Variants in SPATA24 observed in about 807,000 individuals in gnomAD.
SPATA24 encodes spermatogenesis-associated protein 24.
In SPATA24, 21 loss-of-function variants were observed where a neutral mutation model predicts 28.9. That is an observed-to-expected ratio of 0.73 (90% confidence interval 0.52 to 1.05). The LOEUF (loss-of-function observed/expected upper bound fraction) is 1.05, where lower values mean the gene tolerates loss of function less well. Among genes scored for constraint, SPATA24 ranks in the 50% least tolerant of loss-of-function variants. The probability of loss-of-function intolerance (pLI) is 0.00; values close to 1 mark genes in which losing one functional copy is unlikely to be tolerated. For missense variants in SPATA24, 215 were observed against 242.9 expected, an observed-to-expected ratio of 0.88 and a Z score of 0.76; for synonymous variants, 76 against 89.9, an observed-to-expected ratio of 0.85 and a Z score of 0.88.
intron 1 of SPATA24, 25 bp downstream of exon 1, chr5:139,403,919 T>C: frequency 6.5e-7 from 1 of 1,541,192 alleles, no homozygotes; most frequent in Non-Finnish European, 8.8e-7. Context: ...GCCCCGCCTC[T>C]CCCCAAACTC....
chr5:139,397,266 A>C (rs1758731407), intron 4 of SPATA24, 123 bp from the exon 5 acceptor site: 4 of 673,450 alleles, frequency 5.9e-6, no homozygotes, highest in Middle Eastern at 3.7e-4. Flanking sequence ...TCCATGAAGA[A>C]CTGCTAATAC....
downstream of SPATA24, chr5:139,393,186 C>A: frequency 6.5e-7 from 1 of 1,549,642 alleles, no homozygotes; most frequent in African/African-American, 1.4e-5. Context: ...CGTACGTGGT[C>A]TTCACCAACT....
At chr5:139,402,519 A>G in intron 2 of SPATA24, 109 bp downstream of exon 2, 1 of 999,668 alleles carries the variant, frequency 1.0e-6, no homozygotes, top group Admixed American at 2.3e-5. Flanking sequence ...CTGGGACTAC[A>G]GTTGTGAGCC....
intron 4 of SPATA24, among the ~76,000 whole-genome samples, chr5:139,399,015 T>C (rs11242463): frequency 1 from 96,369 of 96,428 alleles, 48,165 homozygotes; most frequent in Middle Eastern, 1. Context: ...CAGAGCGAGA[T>C]TCCGCTTCAA....
At chr5:139,403,731 G>A (rs1247749634) in intron 1 of SPATA24, among the ~76,000 whole-genome samples, 1 of 152,220 alleles carries the variant, frequency 6.6e-6, no homozygotes, top group Non-Finnish European at 1.5e-5. Flanking sequence ...CAAACGGAAG[G>A]GAGAATATGG....
At chr5:139,396,177 G>A (rs113403539), downstream of SPATA24, 5 of 985,382 alleles carry the variant, frequency 5.1e-6, no homozygotes, top group African/African-American at 1.7e-5. Context: ...CCCTGAAGTG[G>A]GTCCTCTGCC....
chr5:139,402,696 G>C lies in SPATA24; in HGVS notation c.118-3C>G. ...AAATTTTCGTCCTGGAGAACCATCTGCAACAGAGCCTGGCTGAGGGAGGGC... is the reference window on the plus strand; with the variant it reads ...AAATTTTCGTCCTGGAGAACCATCTCCAACAGAGCCTGGCTGAGGGAGGGC... On this transcript the variant is annotated splice_polypyrimidine_tract_variant and splice_region_variant and intron_variant, in intron 1 of 5. Transcript: ENST00000450845. The C allele has an allele frequency of 6.4e-6, 10 of 1,551,754 alleles. No homozygotes were observed. Among genetic ancestry groups the C allele is most frequent in the Non-Finnish European group, 8.7e-6 (10 of 1,146,912 alleles).
downstream of SPATA24, chr5:139,393,143 C>T (rs987122107): frequency 5.2e-5 from 80 of 1,543,196 alleles, no homozygotes; most frequent in Non-Finnish European, 6.5e-5. Flanking sequence ...GCAGGCAGCC[C>T]AGAGCCTTGT....
intron 4 of SPATA24, among the ~76,000 whole-genome samples, chr5:139,400,149 G>C (rs937967255): frequency 6.6e-6 from 1 of 152,116 alleles, no homozygotes; most frequent in East Asian, 1.9e-4. Context: ...CACTAGGGGA[G>C]AGAGAAGGCT....
At chr5:139,394,402 C>A (rs1279887973), downstream of SPATA24, 5 of 1,388,980 alleles carry the variant, frequency 3.6e-6, no homozygotes, top group Non-Finnish European at 4.6e-6. Flanking sequence ...CAGCCGGGGG[C>A]GCGGCGCGCC....
At chr5:139,395,289 T>G, downstream of SPATA24, 1 of 432,972 alleles carries the variant, frequency 2.3e-6, no homozygotes, top group Non-Finnish European at 3.9e-6. Context: ...AACCCCCTTC[T>G]CAGGCACAAG....
At chr5:139,403,673 G>C (rs765184957) in intron 1 of SPATA24, among the ~76,000 whole-genome samples, 6 of 152,222 alleles carry the variant, frequency 3.9e-5, no homozygotes, top group African/African-American at 9.6e-5. Context: ...ACTGAAAATG[G>C]GGAAACTGAG....
chr5:139,399,343 A>G (rs1388195821), intron 4 of SPATA24, among the ~76,000 whole-genome samples: 1 of 151,972 alleles, frequency 6.6e-6, no homozygotes, highest in Non-Finnish European at 1.5e-5. Flanking sequence ...AGGTTGGACA[A>G]GAATTAACTA....
At chr5:139,398,305 A>G (rs959682304) in intron 4 of SPATA24, among the ~76,000 whole-genome samples, 3 of 151,940 alleles carry the variant, frequency 2.0e-5, no homozygotes, top group African/African-American at 4.8e-5. Flanking sequence ...TTAATCGTAC[A>G]TTTGAGGCAA....
At chr5:139,393,806 T>C, downstream of SPATA24, 1 of 1,551,156 alleles carries the variant, frequency 6.4e-7, no homozygotes, top group Middle Eastern at 1.7e-4. Context: ...AATGGGCTAC[T>C]CACCCTCCGA....
chr5:139,400,579 A>G (rs1201671574), intron 4 of SPATA24, among the ~76,000 whole-genome samples: 1 of 151,830 alleles, frequency 6.6e-6, no homozygotes, highest in African/African-American at 2.4e-5. Context: ...AAGTGTTGGG[A>G]TTACAGGCAT....
chr5:139,392,786 G>T (rs763196143), downstream of SPATA24: 2 of 1,452,640 alleles, frequency 1.4e-6, no homozygotes, highest in South Asian at 1.4e-5. This position sits in a 1 kb window ranked among gnomAD's most constrained non-coding sequence, Gnocchi z 5.8. Flanking sequence ...ACCAGGCGCT[G>T]GGCCTCTACA....
chr5:139,398,627 A>G (rs1758759962), intron 4 of SPATA24, among the ~76,000 whole-genome samples: 1 of 152,122 alleles, frequency 6.6e-6, no homozygotes. Context: ...TCAAAATCCA[A>G]GGAGGCTGTA....
At chr5:139,403,019 A>G (rs572559969) in intron 1 of SPATA24, among the ~76,000 whole-genome samples, 15 of 152,248 alleles carry the variant, frequency 9.9e-5, no homozygotes, top group African/African-American at 3.6e-4. Context: ...ACTTCCGGAG[A>G]AGGGGATGTT....
Sources: gnomAD v4.1 joint callset for allele counts (sites outside exome capture counted in the v4.1 genomes callset) on GRCh38, gnomAD v4.1.1 for gene constraint, Gnocchi (gnomAD v3.1) non-coding constraint, MANE v1.5 for transcripts, NCBI Gene and HGNC (gene_info 2026-07-23, HGNC 2026-07-21) for gene names.